KLF8: variants seen among roughly 807,000 people sequenced by gnomAD.
The protein encoded by KLF8 is Krueppel-like factor 8.
In KLF8, 10 loss-of-function variants were observed where a neutral mutation model predicts 18.2. That is an observed-to-expected ratio of 0.55 (90% CI 0.34 to 0.93). KLF8 has a LOEUF of 0.93. KLF8 is among the 40% of genes least tolerant of loss of function. The probability of loss-of-function intolerance (pLI) is 0.02; values close to 1 mark genes in which losing one functional copy is unlikely to be tolerated. For missense variants in KLF8, 264 were observed against 277.9 expected (o/e 0.95, Z 0.36); for synonymous variants, 109 against 97.3 (o/e 1.12, Z -0.71).
At chrX:56,007,466 C>T in the KLF8 span, among the ~76,000 whole-genome samples, 2 of 111,568 alleles carry the variant, frequency 1.8e-5, no homozygotes, top group Admixed American at 1.9e-4. Context: ...GCTAGGATTA[C>T]AGGAGTCTGT....
Position 56,269,454 on chromosome X carries a change from C to T in KLF8, c.723C>T (p.Ser241=). 8.3e-7 allele frequency: 1 copy of T among 1,207,324 alleles called. No homozygotes were observed. Residue 241 remains serine, a synonymous_variant, in exon 4 of 6, where the codon TCC becomes TCT. Coordinates refer to ENST00000468660, the MANE Select transcript of KLF8 (RefSeq NM_007250.5). The stretch of plus-strand genomic sequence containing the variant: ...AGGAGAGTACAATTGAGAGTGGATC[C>T]TCAGCCTTGCAGAGTCTGCAGGGAC... ...DSEESTIESG[S]SALQSLQGLQ...
the KLF8 span, among the ~76,000 whole-genome samples, chrX:56,108,222 T>C: frequency 8.9e-6 from 1 of 112,148 alleles, no homozygotes; most frequent in African/African-American, 3.2e-5. Flanking sequence ...GTACTGGCTA[T>C]TACTTCCAGT....
chrX:56,184,865 A>T, the KLF8 span, among the ~76,000 whole-genome samples: 1 of 111,922 alleles, frequency 8.9e-6, no homozygotes, highest in Non-Finnish European at 1.9e-5. Context: ...CACACCAAAA[A>T]CCCATCTGTA....
At chrX:56,239,676 G>A (rs1397872572) in intron 1 of KLF8, among the ~76,000 whole-genome samples, 1 of 111,994 alleles carries the variant, frequency 8.9e-6, no homozygotes, top group African/African-American at 3.2e-5. Flanking sequence ...ATGATGTCCT[G>A]TAAATGACAT....
chrX:56,049,830 T>A, the KLF8 span, among the ~76,000 whole-genome samples: 1 of 109,478 alleles, frequency 9.1e-6, no homozygotes, highest in Non-Finnish European at 1.9e-5. Flanking sequence ...TGGAATAGCT[T>A]CAGAAGGAAT....
chrX:56,278,232 G>T (rs990691675), intron 5 of KLF8, among the ~76,000 whole-genome samples: 2 of 111,680 alleles, frequency 1.8e-5, no homozygotes, highest in African/African-American at 6.5e-5. Flanking sequence ...TCTCCCCATA[G>T]CCATCACAGC....
chrX:55,951,947 G>A, the KLF8 span, among the ~76,000 whole-genome samples: 3 of 111,957 alleles, frequency 2.7e-5, no homozygotes, highest in Non-Finnish European at 3.8e-5. Flanking sequence ...CGGCTTCAGA[G>A]TTGTGTTTCT....
At chrX:56,078,771 C>G in the KLF8 span, among the ~76,000 whole-genome samples, 1 of 111,261 alleles carries the variant, frequency 9.0e-6, no homozygotes, top group Non-Finnish European at 1.9e-5. Context: ...CCATCTGGTC[C>G]TGGACTCTTT....
the KLF8 span, among the ~76,000 whole-genome samples, chrX:56,159,097 G>A: frequency 3.6e-5 from 4 of 112,055 alleles, no homozygotes; most frequent in South Asian, 1.5e-3. Context: ...TTAGCATGAA[G>A]CGTTGTTGAA....
the KLF8 span, among the ~76,000 whole-genome samples, chrX:56,127,505 A>G: frequency 1.8e-5 from 2 of 110,321 alleles, no homozygotes; most frequent in Admixed American, 1.9e-4. Context: ...TACAAAAATA[A>G]AAAAAATAAT....
the KLF8 span, among the ~76,000 whole-genome samples, chrX:56,054,189 T>C: frequency 1.5e-4 from 17 of 111,107 alleles, no homozygotes; most frequent in Non-Finnish European, 3.0e-4. Context: ...TGGAGTGCAG[T>C]GGCATGCTTT....
chrX:56,141,255 C>T, the KLF8 span, among the ~76,000 whole-genome samples: 5 of 112,123 alleles, frequency 4.5e-5, no homozygotes, highest in Non-Finnish European at 7.5e-5. Context: ...GCGTGAGCCA[C>T]CATACCCGGC....
the KLF8 span, among the ~76,000 whole-genome samples, chrX:56,159,441 G>A: frequency 8.9e-6 from 1 of 112,520 alleles, no homozygotes; most frequent in Non-Finnish European, 1.9e-5. Flanking sequence ...TCTATTGATT[G>A]GAATAGTTTC....
the KLF8 span, among the ~76,000 whole-genome samples, chrX:56,066,398 C>G: frequency 2.0e-4 from 23 of 112,218 alleles, no homozygotes; most frequent in African/African-American, 7.4e-4. Context: ...TGAGCACCGA[C>G]TATGGTAGAC....
At chrX:56,042,109 G>A in the KLF8 span, among the ~76,000 whole-genome samples, 1 of 111,946 alleles carries the variant, frequency 8.9e-6, no homozygotes, top group Non-Finnish European at 1.9e-5. Context: ...AGAACTTACT[G>A]ATTTCTGGCT....
chrX:55,933,642 C>A, the KLF8 span, among the ~76,000 whole-genome samples: 1 of 111,954 alleles, frequency 8.9e-6, no homozygotes, highest in Non-Finnish European at 1.9e-5. Flanking sequence ...AATTACTCAG[C>A]AATCATTTTT....
the KLF8 span, among the ~76,000 whole-genome samples, chrX:56,173,966 A>C: frequency 8.9e-6 from 1 of 112,134 alleles, no homozygotes; most frequent in Non-Finnish European, 1.9e-5. Flanking sequence ...ACTTTGCTGA[A>C]GTTGCCTATC....
the KLF8 span, among the ~76,000 whole-genome samples, chrX:55,921,411 G>A: frequency 1.8e-5 from 2 of 111,656 alleles, no homozygotes; most frequent in Non-Finnish European, 3.8e-5. Flanking sequence ...ATCTGTTTTT[G>A]TATGGGTACC....
intron 3 of KLF8, chrX:56,268,835 A>G: frequency 1.8e-5 from 15 of 831,573 alleles, no homozygotes; most frequent in Non-Finnish European, 2.0e-5. Flanking sequence ...CTCCCAACAT[A>G]GGTGGAAAGG....
Sources: allele counts gnomAD v4.1 joint callset (sites outside exome capture counted in the v4.1 genomes callset), GRCh38; gene constraint gnomAD v4.1.1; transcripts MANE v1.5; gene names NCBI Gene and HGNC (gene_info 2026-07-23, HGNC 2026-07-21).